MBNL1: variants seen among roughly 807,000 people sequenced by gnomAD.
MBNL1 encodes the protein muscleblind-like protein 1.
MBNL1 carries 8 observed loss-of-function variants against 42.2 expected under a neutral mutation model. That is an observed-to-expected ratio of 0.19 (90% CI 0.11 to 0.34). MBNL1 has a LOEUF of 0.34. Ranked by LOEUF, MBNL1 falls within the 10% of genes least tolerant of loss-of-function variation. MBNL1 has a pLI of 1.00. For synonymous variants in MBNL1, 169 were observed against 173.9 expected (o/e 0.97, Z 0.22); for missense variants, 309 against 495.3 (o/e 0.62, Z 3.57).
rs192713264 is a variant in MBNL1 at position 152,296,793 on chromosome 3, C to A, written c.-789-2612C>A. Among the ~76,000 whole-genome samples the A allele has an allele frequency of 2.0e-5, 3 of 151,822 alleles. No individual in the cohort carries two copies. In the East Asian group the frequency reaches 5.8e-4, roughly 29 times the overall value. On this transcript the variant is annotated intron_variant, in intron 1 of 9. Coordinates refer to ENST00000324210, the MANE Select transcript of MBNL1 (RefSeq NM_021038.5). ...TATATTTTGTACCCTAGAAGTAATC[C>A]AAATCCTGATGCAGCAGTTGATAAT... is the stretch of plus-strand genomic sequence containing the variant.
At chr3:152,316,477 G>A (rs1221508691) in intron 2 of MBNL1, among the ~76,000 whole-genome samples, 1 of 152,078 alleles carries the variant, frequency 6.6e-6, no homozygotes, top group African/African-American at 2.4e-5. Flanking sequence ...AGCTTCTCAG[G>A]TACTTTTCCA....
intron 2 of MBNL1, among the ~76,000 whole-genome samples, chr3:152,248,491 T>C (rs184750428): frequency 1.3e-5 from 2 of 152,202 alleles, no homozygotes; most frequent in African/African-American, 4.8e-5. Flanking sequence ...TTTTTTTCTT[T>C]ATATTTTTCT....
chr3:152,426,499 T>C (rs1002369032), intron 3 of MBNL1, among the ~76,000 whole-genome samples: 1 of 152,228 alleles, frequency 6.6e-6, no homozygotes, highest in Non-Finnish European at 1.5e-5. Flanking sequence ...ATATCATGGC[T>C]TGCAACCTGG....
At chr3:152,384,663 T>C (rs546120533) in intron 2 of MBNL1, among the ~76,000 whole-genome samples, 1 of 152,290 alleles carries the variant, frequency 6.6e-6, no homozygotes, top group African/African-American at 2.4e-5. Flanking sequence ...GCAGGTCATT[T>C]CCAGCATTCA....
At chr3:152,268,880 C>T (rs1217844461), upstream of MBNL1, 3 of 453,732 alleles carry the variant, frequency 6.6e-6, no homozygotes, top group African/African-American at 4.0e-5. Context: ...CGCGCAGCAG[C>T]AGCGGAAGCC....
chr3:152,456,393 A>C, intron 8 of MBNL1, 32 bp downstream of exon 8: 1 of 1,569,394 alleles, frequency 6.4e-7, no homozygotes, highest in South Asian at 1.1e-5. Context: ...TTTCTTAAAA[A>C]ACAACTCTAA....
At chr3:152,382,414 A>G (rs551502091) in intron 2 of MBNL1, among the ~76,000 whole-genome samples, 5 of 152,236 alleles carry the variant, frequency 3.3e-5, no homozygotes, top group Admixed American at 3.3e-4. Flanking sequence ...AAGCTGGAGA[A>G]TTCATACGTT....
intron 4 of MBNL1, among the ~76,000 whole-genome samples, chr3:152,440,256 A>T (rs1190909801): frequency 6.6e-6 from 1 of 152,220 alleles, no homozygotes; most frequent in Non-Finnish European, 1.5e-5. Context: ...TTGATCAAAT[A>T]TGTACAATTA....
chr3:152,281,382 A>G (rs115417491), intron 1 of MBNL1, among the ~76,000 whole-genome samples: 42 of 152,174 alleles, frequency 2.8e-4, no homozygotes, highest in African/African-American at 1.0e-3. Flanking sequence ...ACTCCAAGTT[A>G]ATTCTGGAAA....
intron 1 of MBNL1, among the ~76,000 whole-genome samples, chr3:152,281,981 T>A (rs866482057): frequency 2.6e-5 from 4 of 152,180 alleles, no homozygotes; most frequent in Non-Finnish European, 5.9e-5. Flanking sequence ...TTGTGTCATA[T>A]CCCTATGTGT....
At chr3:152,303,416 T>A (rs2151680532) in intron 2 of MBNL1, among the ~76,000 whole-genome samples, 1 of 152,314 alleles carries the variant, frequency 6.6e-6, no homozygotes, top group South Asian at 2.1e-4. Flanking sequence ...GTATTCAAGC[T>A]GAGACTTAAA....
intron 2 of MBNL1, among the ~76,000 whole-genome samples, chr3:152,389,130 C>T (rs753012419): frequency 2.8e-4 from 42 of 151,970 alleles, no homozygotes; most frequent in South Asian, 1.0e-3. Context: ...CTCTTGTTGC[C>T]TAGGCTGGAG....
chr3:152,282,319 T>G (rs2048967927), intron 1 of MBNL1, among the ~76,000 whole-genome samples: 1 of 152,116 alleles, frequency 6.6e-6, no homozygotes, highest in African/African-American at 2.4e-5. Context: ...GATTTTACCT[T>G]TAAGTACCAA....
intron 1 of MBNL1, among the ~76,000 whole-genome samples, chr3:152,292,652 G>A (rs2056611269): frequency 6.6e-6 from 1 of 152,026 alleles, no homozygotes; most frequent in African/African-American, 2.4e-5. Context: ...TTGCAGTATT[G>A]TTAAAACTTA....
chr3:152,350,574 A>C (rs1311000971), intron 2 of MBNL1, among the ~76,000 whole-genome samples: 1 of 152,070 alleles, frequency 6.6e-6, no homozygotes, highest in Non-Finnish European at 1.5e-5. Context: ...GTCAGTGGAG[A>C]GTGAAAGAAT....
At chr3:152,430,638 A>G (rs2098994328) in intron 3 of MBNL1, among the ~76,000 whole-genome samples, 2 of 145,870 alleles carry the variant, frequency 1.4e-5, no homozygotes, top group African/African-American at 4.9e-5. Context: ...CAAGTTCAAC[A>G]TATATTCAGT....
intron 2 of MBNL1, among the ~76,000 whole-genome samples, chr3:152,310,918 C>CT (rs1347279865): frequency 1.4e-5 from 2 of 144,600 alleles, no homozygotes; most frequent in African/African-American, 2.6e-5. Flanking sequence ...CATTTCATAA[C>CT]TTTTTTTTTG....
chr3:152,251,024 G>A (rs2034439008), intron 2 of MBNL1, among the ~76,000 whole-genome samples: 2 of 152,156 alleles, frequency 1.3e-5, no homozygotes, highest in Admixed American at 1.3e-4. Context: ...GGGATGCAAG[G>A]CTGGTTCAAT....
rs2153992523 is a variant in MBNL1 at position 152,465,595 on chromosome 3, CAAA to C, written c.*3230_*3232del. 1 of 152,704 alleles carries C rather than the reference CAAA, an allele frequency of 6.5e-6. No homozygotes were observed. Among genetic ancestry groups the C allele is most frequent in the South Asian group, 2.1e-4 (1 of 4,826 alleles). The allele number at this position is 152,704 out of a possible 1,614,324, so 9.5% of individuals were successfully genotyped here. A position where few individuals can be genotyped will look rare whatever the true frequency, so the allele number is the denominator to read the frequency against. On this transcript the variant is annotated 3_prime_UTR_variant, in exon 10 of 10. Coordinates refer to ENST00000324210, the MANE Select transcript of MBNL1 (RefSeq NM_021038.5). The stretch of plus-strand genomic sequence containing the variant: ...CTACCACTTTCATCTGCTGAAAGGA[CAAA>C]TGTGCTTGGTTTTACTATTATGTAA...
Sources: allele counts gnomAD v4.1 joint callset (sites outside exome capture counted in the v4.1 genomes callset), GRCh38; gene constraint gnomAD v4.1.1; transcripts MANE v1.5; gene names NCBI Gene and HGNC (gene_info 2026-07-23, HGNC 2026-07-21).